The following TXNDC11 variants were observed in gnomAD, a reference collection of about 807,000 sequenced individuals.
TXNDC11 encodes thioredoxin domain containing 11, also known as thioredoxin domain-containing protein 11.
TXNDC11 carries 68 observed loss-of-function variants against 78.0 expected under a neutral mutation model. The ratio of observed to expected loss-of-function variants is 0.87; its 90% CI spans 0.72 to 1.07. The LOEUF (loss-of-function observed/expected upper bound fraction) is 1.07. Ranked by LOEUF, TXNDC11 falls within the 50% of genes least tolerant of loss-of-function variation. The pLI is 0.00. For missense variants in TXNDC11, 1,389 were observed against 1,221.8 expected (o/e 1.14, Z -2.04); for synonymous variants, 571 against 495.2 (o/e 1.15, Z -2.03).
intron 6 of TXNDC11, among the ~76,000 whole-genome samples, chr16:11,699,797 A>T (rs770217016): frequency 5.9e-5 from 9 of 152,250 alleles, no homozygotes; most frequent in Non-Finnish European, 1.2e-4. Context: ...GTGATGCGAG[A>T]GAGACAGAAT....
rs754509490 is a variant in TXNDC11 at position 11,742,480 on chromosome 16, C to T, written c.251G>A (p.Cys84Tyr). Residue 84 changes from cysteine (C) to tyrosine (Y), a missense_variant, in exon 1 of 12, where the codon TGC becomes TAC. Transcript: ENST00000283033. ...CALLLALKFT[C>Y]SRAKDVIIPA... is the part of the protein sequence containing the mutation. ...CCCAGGGTCCGGGCCGCCTCACCTG[C>T]AGGTGAACTTGAGGGCGAGGAGCAG... 1.9e-4 allele frequency: 271 copies of T among 1,441,306 alleles called. No individual in the cohort carries two copies. Among genetic ancestry groups the T allele is most frequent in the Non-Finnish European group, 2.4e-4 (261 of 1,105,008 alleles). 89.3% of individuals were successfully genotyped at this position (1,441,306 alleles called of 1,614,324 possible). A position where few individuals can be genotyped will look rare whatever the true frequency, so the allele number is the denominator to read the frequency against.
At chr16:11,680,653 C>T (rs2050400144) in intron 11 of TXNDC11, among the ~76,000 whole-genome samples, 1 of 152,174 alleles carries the variant, frequency 6.6e-6, no homozygotes, top group Admixed American at 6.5e-5. Context: ...AAACTACCAG[C>T]TTTATGCACT....
Position 11,742,562 on chromosome 16 carries a change from G to A in TXNDC11, c.169C>T (p.Leu57Phe), listed in dbSNP as rs1006072997. ...RLRRGLRGAFLMARQRPELLC... is the reference protein window; with the variant it reads ...RLRRGLRGAFFMARQRPELLC... ...AGCTCCGGCCGCTGGCGCGCCATGA[G>A]GAAGGCGCCACGCAGCCCGCGACGG... Residue 57 changes from leucine to phenylalanine, a missense_variant, in exon 1 of 12, where the codon CTC becomes TTC. Leu to Phe is a conservative substitution (Grantham distance 22). Transcript: ENST00000283033. 2 of 1,457,246 alleles carry A rather than the reference G, an allele frequency of 1.4e-6. No homozygotes were observed. The highest frequency in any genetic ancestry group is 1.8e-6 in the Non-Finnish European group (2 of 1,111,168). 90.3% of individuals were successfully genotyped at this position (1,457,246 alleles called of 1,614,324 possible).
intron 11 of TXNDC11, among the ~76,000 whole-genome samples, chr16:11,683,354 A>G (rs2050481302): frequency 6.6e-6 from 1 of 152,204 alleles, no homozygotes; most frequent in Non-Finnish European, 1.5e-5. Context: ...GTCTGCACGC[A>G]TGGGAGAAAA....
At chr16:11,691,163 G>C in intron 8 of TXNDC11, 127 bp downstream of exon 8, 1 of 759,178 alleles carries the variant, frequency 1.3e-6, no homozygotes. Context: ...GTGGTCTAAA[G>C]ACTTAAAATG....
chr16:11,718,456 G>A (rs2051608046), intron 5 of TXNDC11, among the ~76,000 whole-genome samples: 1 of 151,974 alleles, frequency 6.6e-6, no homozygotes, highest in Admixed American at 6.6e-5. Flanking sequence ...ATCTAAACAT[G>A]ACATTGACCT....
At chr16:11,684,502 C>T (rs1207813965) in intron 10 of TXNDC11, among the ~76,000 whole-genome samples, 3 of 152,116 alleles carry the variant, frequency 2.0e-5, no homozygotes, top group Non-Finnish European at 2.9e-5. Flanking sequence ...CAGAAAATGC[C>T]GCACTGACAC....
intron 4 of TXNDC11, among the ~76,000 whole-genome samples, chr16:11,723,439 G>C (rs1009503222): frequency 1.3e-5 from 2 of 151,952 alleles, no homozygotes; most frequent in African/African-American, 4.8e-5. Context: ...AAAAAAATTA[G>C]CCAGCCATGG....
In TXNDC11 at chr16:11,742,745, C is replaced by T. The variant is rs756580888; in HGVS notation, c.-15G>A. The T allele has an allele frequency of 6.9e-7, 1 of 1,459,830 alleles. No homozygotes were observed. Among genetic ancestry groups the T allele is most frequent in the African/African-American group, 1.5e-5 (1 of 67,910 alleles). 90.4% of individuals were successfully genotyped at this position (1,459,830 alleles called of 1,614,324 possible). ...CATTCCGACATTACATGCTCCCAGT[C>T]GCCGGCTTTATACCGCCGCCGCCGC... is the stretch of plus-strand genomic sequence containing the variant. On this transcript the variant is annotated 5_prime_UTR_variant, in exon 1 of 12. Transcript: ENST00000283033.
intron 1 of TXNDC11, among the ~76,000 whole-genome samples, chr16:11,736,542 G>A (rs2052226465): frequency 6.6e-6 from 1 of 152,098 alleles, no homozygotes. Context: ...TCCTTTTTCT[G>A]CAGCCTGGCT....
Position 11,721,679 on chromosome 16 carries a change from A to G in TXNDC11, c.700-9T>C, listed in dbSNP as rs764596985. The G allele has an allele frequency of 5.1e-6, 8 of 1,582,032 alleles. No homozygotes were observed. The highest frequency in any genetic ancestry group is 1.3e-5 in the African/African-American group (1 of 74,232). On this transcript the variant is annotated splice_polypyrimidine_tract_variant and intron_variant, in intron 4 of 11. Transcript: ENST00000283033. Reference sequence around the variant, plus strand: ...TACCCGAGTACTCCAGGCTGCAGGAAAAAGAGCAGAATTAGGTAACTGAGG... The same window carrying G: ...TACCCGAGTACTCCAGGCTGCAGGAGAAAGAGCAGAATTAGGTAACTGAGG...
At chr16:11,711,272 C>T (rs1310985406) in intron 5 of TXNDC11, among the ~76,000 whole-genome samples, 1 of 152,128 alleles carries the variant, frequency 6.6e-6, no homozygotes, top group African/African-American at 2.4e-5. Context: ...CATCTCAGCT[C>T]CTGTATTTAC....
At position 11,735,019 on chromosome 16, in the gene TXNDC11, G is replaced by A. The variant is rs538400974; in HGVS notation, c.472-940C>T. On this transcript the variant is annotated intron_variant, in intron 2 of 11. Transcript: ENST00000283033. ...TTCAAAACGCCTGCCAAACACTGATGTTGGGGAAAACCTGTTATTATCAAA... is the reference window on the plus strand; with the variant it reads ...TTCAAAACGCCTGCCAAACACTGATATTGGGGAAAACCTGTTATTATCAAA... Among the ~76,000 whole-genome samples, 8 of 152,330 alleles carry A rather than the reference G, an allele frequency of 5.3e-5. No individual in the cohort carries two copies. The East Asian group carries it at 1.5e-3, about 29-fold the overall frequency.
At position 11,679,758 on chromosome 16, in the gene TXNDC11, C is replaced by G. The variant is rs139662159; in HGVS notation, c.2314G>C (p.Asp772His). Reference protein sequence around the residue: ...NLLRFILHHSDPASSPQNVAN... With the variant: ...NLLRFILHHSHPASSPQNVAN... ...ACATTCTGGGGGCTGGAAGCAGGGTCTGAGTGATGCAAAATGAACCTCAAC... is the reference window on the plus strand; with the variant it reads ...ACATTCTGGGGGCTGGAAGCAGGGTGTGAGTGATGCAAAATGAACCTCAAC... Residue 772 changes from aspartate to histidine, a missense_variant, in exon 12 of 12, where the codon GAC becomes CAC. Asp to His is a moderately conservative substitution (Grantham distance 81). Transcript: ENST00000283033. The surrounding 1 kb of genome is among the most constrained non-coding windows in gnomAD (Gnocchi z 4.6). 2.5e-6 allele frequency: 4 copies of G among 1,613,994 alleles called. No homozygotes were observed. The African/African-American group carries it at 4.0e-5, about 16-fold the overall frequency.
At chr16:11,729,663 T>C (rs199609356) in intron 4 of TXNDC11, among the ~76,000 whole-genome samples, 1 of 152,224 alleles carries the variant, frequency 6.6e-6, no homozygotes, top group Admixed American at 6.5e-5. Flanking sequence ...CTAAGTATCA[T>C]TTTACTTGTA....
In TXNDC11 at chr16:11,742,807, C is replaced by T. The variant is rs2052451546; in HGVS notation, c.-77G>A. The T allele has an allele frequency of 2.9e-6, 4 of 1,381,242 alleles. No homozygotes were observed. The South Asian group carries it at 7.1e-5, about 25-fold the overall frequency. 85.6% of individuals were successfully genotyped at this position (1,381,242 alleles called of 1,614,324 possible). A position where few individuals can be genotyped will look rare whatever the true frequency, so the allele number is the denominator to read the frequency against. The stretch of plus-strand genomic sequence containing the variant: ...AGGCCCGGCCCGGCCCGTTGCTCCC[C>T]AATCCCGCAGCTCGCCGCACCCGCT... On this transcript the variant is annotated 5_prime_UTR_variant, in exon 1 of 12. Transcript: ENST00000283033.
At chr16:11,698,379 C>G (rs1041186767) in intron 6 of TXNDC11, 54 bp from the exon 7 acceptor site, 2 of 1,531,968 alleles carry the variant, frequency 1.3e-6, no homozygotes, top group African/African-American at 2.7e-5. Flanking sequence ...GTGGGGCAAG[C>G]TCAAGGCACA....
chr16:11,717,108 GAAA>G (rs200390869), intron 5 of TXNDC11, among the ~76,000 whole-genome samples: 1 of 132,672 alleles, frequency 7.5e-6, no homozygotes. Flanking sequence ...AGATTTTCAG[GAAA>G]AAAAAAAAAA....
intron 3 of TXNDC11, 56 bp downstream of exon 3, chr16:11,733,926 A>G (rs1238840032): frequency 7.6e-7 from 1 of 1,319,118 alleles, no homozygotes; most frequent in Non-Finnish European, 1.1e-6. Flanking sequence ...TGCAAAATTC[A>G]TTTATAAACT....
Sources: gnomAD v4.1 joint callset for allele counts (sites outside exome capture counted in the v4.1 genomes callset) on GRCh38, gnomAD v4.1.1 for gene constraint, Gnocchi (gnomAD v3.1) non-coding constraint, MANE v1.5 for transcripts, NCBI Gene and HGNC (gene_info 2026-07-23, HGNC 2026-07-21) for gene names.